The following DIP2C variants were observed in gnomAD, a reference collection of about 807,000 sequenced individuals.
DIP2C encodes DIP2 acetate--CoA ligase C (putative), also known as disco-interacting protein 2 homolog C.
Under a neutral mutation model 192.4 loss-of-function variants are expected in DIP2C, and 33 were observed. The observed-to-expected ratio is 0.17, with a 90% confidence interval of 0.13 to 0.23. The LOEUF is 0.23. Among genes scored for constraint, DIP2C ranks in the 10% least tolerant of loss-of-function variants. The probability of loss-of-function intolerance (pLI) is 1.00; values close to 1 mark genes in which losing one functional copy is unlikely to be tolerated. For missense variants in DIP2C, 1,537 were observed against 2,110.1 expected (o/e 0.73, Z 5.32); for synonymous variants, 979 against 864.1 (o/e 1.13, Z -2.33).
chr10:294,264 C>T (rs529706435), intron 32 of DIP2C, among the ~76,000 whole-genome samples: 3 of 152,104 alleles, frequency 2.0e-5, no homozygotes, highest in Non-Finnish European at 4.4e-5. Context: ...GATTTCTGAA[C>T]GCTAATCCCG....
At chr10:500,296 C>T (rs1468020875) in intron 1 of DIP2C, among the ~76,000 whole-genome samples, 4 of 152,254 alleles carry the variant, frequency 2.6e-5, no homozygotes, top group Admixed American at 2.0e-4. Flanking sequence ...CTTCCTGAGA[C>T]CTGCAGCCAC....
At chr10:285,231 G>C (rs1375004922) in intron 34 of DIP2C, among the ~76,000 whole-genome samples, 1 of 151,812 alleles carries the variant, frequency 6.6e-6, no homozygotes, top group Non-Finnish European at 1.5e-5. Context: ...CTTGCTCATT[G>C]GTCAGGTGTT....
At chr10:510,052 G>A (rs1021418709) in intron 1 of DIP2C, among the ~76,000 whole-genome samples, 3 of 152,202 alleles carry the variant, frequency 2.0e-5, no homozygotes, top group African/African-American at 7.2e-5. Flanking sequence ...AGAAGCCAAG[G>A]TCCCACTTTA....
rs140851965 is a variant in DIP2C at position 486,875 on chromosome 10, C to T, written c.86-345G>A. 4.6e-3 allele frequency among the ~76,000 whole-genome samples: 702 copies of T among 152,352 alleles called. 4 individuals are homozygous for T. The highest frequency in any genetic ancestry group is 0.024 in the Middle Eastern group (7 of 294). On this transcript the variant is annotated intron_variant, in intron 1 of 36. Transcript: ENST00000280886. ...CCGGGGCTCTCGTTAACTCAGTCAA[C>T]GACAGATCCTGCAGCTGCCAGGGCC...
At chr10:334,271 C>A (rs571384779) in intron 29 of DIP2C, among the ~76,000 whole-genome samples, 1 of 133,270 alleles carries the variant, frequency 7.5e-6, no homozygotes, top group Non-Finnish European at 1.5e-5. Flanking sequence ...CAAGCTACTG[C>A]ACTCCAGCCC....
At chr10:361,289 G>C (rs1337675290) in intron 22 of DIP2C, among the ~76,000 whole-genome samples, 10 of 151,064 alleles carry the variant, frequency 6.6e-5, no homozygotes, top group Admixed American at 6.6e-4. Flanking sequence ...AAACTCCTAA[G>C]GAAGAGGGCT....
intron 17 of DIP2C, among the ~76,000 whole-genome samples, chr10:379,488 G>A (rs1386975930): frequency 6.6e-6 from 1 of 152,082 alleles, no homozygotes; most frequent in African/African-American, 2.4e-5. Context: ...GCTCTTGAAG[G>A]CCCTGGACCT....
chr10:277,743 TAC>T (rs1213460699), intron 36 of DIP2C, among the ~76,000 whole-genome samples, 166 bp from the exon 37 acceptor site: 1 of 151,822 alleles, frequency 6.6e-6, no homozygotes, highest in Non-Finnish European at 1.5e-5. Context: ...TCGTTCCCCA[TAC>T]AGACTTCCTG....
In DIP2C at chr10:277,387, G is replaced by A; in HGVS notation, c.4609C>T (p.His1537Tyr). 6.2e-7 allele frequency: 1 copy of A among 1,614,212 alleles called. No individual in the cohort carries two copies. Among genetic ancestry groups the A allele is most frequent in the Non-Finnish European group, 8.5e-7 (1 of 1,180,042 alleles). Reference protein sequence around the residue: ...INSRGEKQRMHLRDGFLADQL... With the variant: ...INSRGEKQRMYLRDGFLADQL... ...TCTGCCAAAAACCCGTCTCGCAGGTGCATGCGCTGCTTCTCCCCACGGGAG... is the reference window on the plus strand; with the variant it reads ...TCTGCCAAAAACCCGTCTCGCAGGTACATGCGCTGCTTCTCCCCACGGGAG... The change falls in exon 37 of 37, where the codon CAC (histidine) becomes TAC (tyrosine). Residue 1537 changes from histidine (H) to tyrosine (Y), a missense_variant. His to Tyr is a moderately conservative substitution (Grantham distance 83). Coordinates refer to ENST00000280886, the MANE Select transcript of DIP2C (RefSeq NM_014974.3).
At chr10:522,357 G>A (rs897216941) in intron 1 of DIP2C, among the ~76,000 whole-genome samples, 5 of 152,202 alleles carry the variant, frequency 3.3e-5, no homozygotes, top group African/African-American at 1.2e-4. Flanking sequence ...TTCAAGTTTT[G>A]GCAGTTATAA....
intron 29 of DIP2C, 110 bp downstream of exon 29, chr10:341,089 G>A: frequency 6.8e-7 from 1 of 1,477,634 alleles, no homozygotes; most frequent in Non-Finnish European, 9.4e-7. Context: ...GGCCTCCTCT[G>A]GCAGGAGTGG....
chr10:590,833 CA>C (rs138433411), intron 1 of DIP2C, among the ~76,000 whole-genome samples: 1,542 of 152,266 alleles, frequency 0.01, 31 homozygotes, highest in African/African-American at 0.035. Flanking sequence ...TCCACCGCAC[CA>C]GAGCCTGCGA....
intron 1 of DIP2C, among the ~76,000 whole-genome samples, chr10:611,843 C>T (rs552522628): frequency 8.5e-5 from 13 of 152,244 alleles, no homozygotes; most frequent in African/African-American, 2.4e-4. Flanking sequence ...AATATCCCCA[C>T]GACTTCAAAT....
chr10:663,929 C>A (rs1481096670), intron 1 of DIP2C: 3 of 151,966 alleles, frequency 2.0e-5, no homozygotes, highest in Non-Finnish European at 4.4e-5. Flanking sequence ...CTCCGGGAGG[C>A]CACACCAGAG....
intron 9 of DIP2C, among the ~76,000 whole-genome samples, chr10:404,096 T>A (rs113719549): frequency 1.4e-5 from 2 of 147,272 alleles, no homozygotes; most frequent in African/African-American, 2.5e-5. Flanking sequence ...TGATTTTACA[T>A]GTGTGGTAGC....
rs950311585 is a variant in DIP2C at position 509,947 on chromosome 10, C to T, written c.86-23417G>A. Among the ~76,000 whole-genome samples, 5 of 152,346 alleles carry T rather than the reference C, an allele frequency of 3.3e-5. No homozygotes were observed. In the East Asian group the frequency reaches 9.6e-4, roughly 29 times the overall value. On this transcript the variant is annotated intron_variant, in intron 1 of 36. Coordinates refer to ENST00000280886, the MANE Select transcript of DIP2C (RefSeq NM_014974.3). ...TCCCAGGGCAGGAGTTCTCCTTTCA[C>T]AGCAAAAGTGGCACAGGCAATGCAG...
intron 1 of DIP2C, among the ~76,000 whole-genome samples, chr10:596,091 C>T (rs1851682443): frequency 6.6e-6 from 1 of 152,148 alleles, no homozygotes; most frequent in African/African-American, 2.4e-5. Flanking sequence ...TCCTTCCCCA[C>T]GGCTAAAGGA....
chr10:425,568 T>C (rs1039568816), intron 4 of DIP2C, among the ~76,000 whole-genome samples: 2 of 136,776 alleles, frequency 1.5e-5, no homozygotes, highest in Non-Finnish European at 3.3e-5. Flanking sequence ...TGATACAGCA[T>C]GACCAGCAGT....
At chr10:686,653 G>C (rs1257037492) in intron 1 of DIP2C, among the ~76,000 whole-genome samples, 1 of 152,276 alleles carries the variant, frequency 6.6e-6, no homozygotes, top group Non-Finnish European at 1.5e-5. Context: ...GAGAGCCCTT[G>C]TGTTTTGCTG....
Sources: gnomAD v4.1 joint callset for allele counts (sites outside exome capture counted in the v4.1 genomes callset) on GRCh38, gnomAD v4.1.1 for gene constraint, MANE v1.5 for transcripts, NCBI Gene and HGNC (gene_info 2026-07-23, HGNC 2026-07-21) for gene names.